Variants in FRMPD2 observed in about 807,000 individuals in gnomAD.
The protein encoded by FRMPD2 is FERM and PDZ domain containing 2.
Under a neutral mutation model 140.1 loss-of-function variants are expected in FRMPD2, and 96 were observed. The observed-to-expected ratio is 0.69, with a 90% CI of 0.58 to 0.81. FRMPD2 has a LOEUF of 0.81. Ranked by LOEUF, FRMPD2 falls within the 40% of genes least tolerant of loss-of-function variation. The pLI, the probability that FRMPD2 is intolerant of heterozygous loss-of-function variation, is 0.00. For missense variants in FRMPD2, 1,240 were observed against 1,447.4 expected (o/e 0.86, Z 2.32); for synonymous variants, 449 against 547.6 (o/e 0.82, Z 2.52).
intron 9 of FRMPD2, among the ~76,000 whole-genome samples, chr10:48,232,530 G>T (rs1839874870): frequency 6.6e-6 from 1 of 152,188 alleles, no homozygotes; most frequent in Non-Finnish European, 1.5e-5. Flanking sequence ...TGAGCCTTCT[G>T]CCAGGCTCAG....
intron 10 of FRMPD2, among the ~76,000 whole-genome samples, chr10:48,228,952 G>T (rs939228885): frequency 3.3e-5 from 5 of 151,922 alleles, no homozygotes; most frequent in African/African-American, 4.8e-5. Context: ...TATTATGAAA[G>T]AAATTTTTGT....
intron 22 of FRMPD2, among the ~76,000 whole-genome samples, chr10:48,176,991 C>T (rs1417638278): frequency 2.0e-5 from 3 of 152,144 alleles, no homozygotes; most frequent in African/African-American, 7.2e-5. Context: ...TTTTCATCAG[C>T]CATAGAGTGT....
At chr10:48,159,694 T>G (rs1190825197) in intron 28 of FRMPD2, among the ~76,000 whole-genome samples, 12 of 151,686 alleles carry the variant, frequency 7.9e-5, no homozygotes, top group Non-Finnish European at 1.6e-4. Flanking sequence ...CTTAAATAAA[T>G]GACCATCAAG....
intron 10 of FRMPD2, among the ~76,000 whole-genome samples, chr10:48,225,249 A>C (rs1024674616): frequency 6.6e-6 from 1 of 152,150 alleles, no homozygotes; most frequent in Non-Finnish European, 1.5e-5. Flanking sequence ...AAATGAGGTC[A>C]TTTATGTCTA....
intron 1 of FRMPD2, among the ~76,000 whole-genome samples, chr10:48,268,645 A>G (rs529639359): frequency 2.0e-5 from 3 of 152,384 alleles, no homozygotes; most frequent in East Asian, 1.9e-4. Flanking sequence ...GAGAAAAACC[A>G]GTCTCAAAAG....
chr10:48,272,821 A>T (rs1483092652), intron 1 of FRMPD2, among the ~76,000 whole-genome samples: 1 of 152,240 alleles, frequency 6.6e-6, no homozygotes, highest in Non-Finnish European at 1.5e-5. Flanking sequence ...TCCAGCAGTC[A>T]CTCATGTCAT....
chr10:48,198,015 C>A (rs1227706042), intron 15 of FRMPD2, among the ~76,000 whole-genome samples: 1 of 152,182 alleles, frequency 6.6e-6, no homozygotes, highest in Non-Finnish European at 1.5e-5. Context: ...AGTGTAAGTA[C>A]TTAGCATAAC....
At chr10:48,250,157 G>A (rs1588854753) in intron 2 of FRMPD2, among the ~76,000 whole-genome samples, 1 of 152,142 alleles carries the variant, frequency 6.6e-6, no homozygotes, top group Non-Finnish European at 1.5e-5. Flanking sequence ...ACACCCTAAA[G>A]GGTCGCCCCA....
intron 17 of FRMPD2, among the ~76,000 whole-genome samples, chr10:48,186,544 T>C (rs1224740464): frequency 6.6e-6 from 1 of 152,168 alleles, no homozygotes; most frequent in African/African-American, 2.4e-5. Flanking sequence ...TCCGCTTTTG[T>C]TTCTTCCTCA....
intron 27 of FRMPD2, among the ~76,000 whole-genome samples, chr10:48,164,499 T>C (rs1452408274): frequency 3.4e-5 from 5 of 148,666 alleles, no homozygotes; most frequent in Admixed American, 2.0e-4. Flanking sequence ...CCTGATGTAA[T>C]AGAGCCCATG....
chr10:48,240,389 T>A lies in FRMPD2; in HGVS notation c.671A>T (p.Gln224Leu). The A allele has an allele frequency of 6.2e-7, 1 of 1,613,080 alleles. No homozygotes were observed. The highest frequency in any genetic ancestry group is 8.5e-7 in the Non-Finnish European group (1 of 1,180,044). Residue 224 changes from glutamine (Q) to leucine (L), a missense_variant, in exon 6 of 29, where the codon CAG (glutamine) becomes CTG (leucine). Coordinates refer to ENST00000374201, the MANE Select transcript of FRMPD2 (RefSeq NM_001018071.4). ...GCAAGGATGCAGACACTCCGGGGCC[T>A]GTGCCGCTGGGCTCTCGCTGCTTGT... is the stretch of plus-strand genomic sequence containing the variant. ...RGTSSESPAA[Q>L]APECLHPCRV...
At chr10:48,190,023 C>A (rs977664740) in intron 16 of FRMPD2, among the ~76,000 whole-genome samples, 1 of 152,192 alleles carries the variant, frequency 6.6e-6, no homozygotes, top group African/African-American at 2.4e-5. Context: ...CAGCACTAGA[C>A]CACGGAGCAA....
chr10:48,243,293 G>C (rs557087486), intron 4 of FRMPD2, among the ~76,000 whole-genome samples: 1 of 152,242 alleles, frequency 6.6e-6, no homozygotes, highest in African/African-American at 2.4e-5. Context: ...CTAATGTAGA[G>C]GAAGGGGCTT....
At chr10:48,194,662 T>C (rs779898607) in intron 15 of FRMPD2, among the ~76,000 whole-genome samples, 1 of 151,530 alleles carries the variant, frequency 6.6e-6, no homozygotes, top group Non-Finnish European at 1.5e-5. Context: ...TGCTGGAGAG[T>C]GCCTGGAGCC....
At chr10:48,216,914 G>T (rs1257725076) in intron 12 of FRMPD2, among the ~76,000 whole-genome samples, 1 of 152,140 alleles carries the variant, frequency 6.6e-6, no homozygotes, top group Non-Finnish European at 1.5e-5. Flanking sequence ...GGCATGAAAA[G>T]GGCCCCAGGC....
intron 14 of FRMPD2, among the ~76,000 whole-genome samples, chr10:48,204,842 G>T (rs1839169873): frequency 6.6e-6 from 1 of 152,096 alleles, no homozygotes. Context: ...ACAGTTACTA[G>T]CATGCATAGG....
intron 9 of FRMPD2, among the ~76,000 whole-genome samples, chr10:48,233,740 C>T (rs1260585255): frequency 1.3e-5 from 2 of 152,152 alleles, no homozygotes; most frequent in Non-Finnish European, 2.9e-5. Context: ...CTGCCAACTC[C>T]TCTGCTCTCT....
At chr10:48,256,245 C>T (rs1232644619) in intron 1 of FRMPD2, among the ~76,000 whole-genome samples, 1 of 152,148 alleles carries the variant, frequency 6.6e-6, no homozygotes, top group African/African-American at 2.4e-5. Flanking sequence ...CCCTTGGGTC[C>T]CTGTCCCCTA....
intron 28 of FRMPD2, chr10:48,159,107 T>C: frequency 2.2e-6 from 1 of 455,640 alleles, no homozygotes; most frequent in Non-Finnish European, 4.4e-6. Context: ...TTTGTGTCCC[T>C]TCATGTCTCC....
Sources: allele counts gnomAD v4.1 joint callset (sites outside exome capture counted in the v4.1 genomes callset), GRCh38; gene constraint gnomAD v4.1.1; transcripts MANE v1.5; gene names NCBI Gene and HGNC (gene_info 2026-07-23, HGNC 2026-07-21).